Variants in NAA11 observed in about 807,000 individuals in gnomAD.
NAA11 encodes the protein N-alpha-acetyltransferase 11, NatA catalytic subunit.
Under a neutral mutation model 16.1 loss-of-function variants are expected in NAA11, and 15 were observed. The observed-to-expected ratio is 0.93, with a 90% CI of 0.62 to 1.44. The LOEUF (loss-of-function observed/expected upper bound fraction) is 1.44. NAA11 is among the 40% of genes most tolerant of loss of function. The pLI, the probability that NAA11 is intolerant of heterozygous loss-of-function variation, is 0.00. For missense variants in NAA11, 298 were observed against 291.3 expected (o/e 1.02, Z -0.17); for synonymous variants, 122 against 112.4 (o/e 1.09, Z -0.54).
chr4:79,212,821 A>T, the NAA11 span, among the ~76,000 whole-genome samples: 1 of 151,982 alleles, frequency 6.6e-6, no homozygotes, highest in Non-Finnish European at 1.5e-5. Flanking sequence ...CAGTATATAA[A>T]GGGTTCAGTA....
intron 2 of NAA11, among the ~76,000 whole-genome samples, chr4:79,261,785 A>G (rs560530207): frequency 1.2e-4 from 19 of 152,336 alleles, no homozygotes; most frequent in Admixed American, 1.2e-3. Flanking sequence ...CCTTTAAACA[A>G]TGGTTCTACA....
intron 1 of NAA11, among the ~76,000 whole-genome samples, chr4:79,298,049 G>C (rs1017806490): frequency 1.3e-5 from 2 of 152,222 alleles, no homozygotes; most frequent in Non-Finnish European, 2.9e-5. Context: ...CAGCTGCAGA[G>C]AGGAGCTACG....
intron 2 of NAA11, among the ~76,000 whole-genome samples, chr4:79,263,442 C>T (rs1228717396): frequency 6.6e-6 from 1 of 152,070 alleles, no homozygotes; most frequent in African/African-American, 2.4e-5. Context: ...GTATCTGGAA[C>T]AAAAAGAAAG....
chr4:79,196,240 G>T, the NAA11 span, among the ~76,000 whole-genome samples: 1 of 151,870 alleles, frequency 6.6e-6, no homozygotes, highest in African/African-American at 2.4e-5. Context: ...GAATATCAGT[G>T]TCCTTACTGC....
chr4:79,187,271 T>G, the NAA11 span, among the ~76,000 whole-genome samples: 1 of 152,194 alleles, frequency 6.6e-6, no homozygotes, highest in Non-Finnish European at 1.5e-5. Flanking sequence ...AATGAGGATG[T>G]ACCATGCCAG....
At chr4:79,267,992 G>A (rs925771595) in intron 2 of NAA11, among the ~76,000 whole-genome samples, 8 of 152,034 alleles carry the variant, frequency 5.3e-5, no homozygotes, top group Non-Finnish European at 7.4e-5. Flanking sequence ...ATAACTAGCT[G>A]TCTTCCTGCA....
chr4:79,312,035 CAA>C (rs954477693), downstream of NAA11, among the ~76,000 whole-genome samples: 2 of 152,160 alleles, frequency 1.3e-5, no homozygotes, highest in African/African-American at 4.8e-5. Context: ...TGCCACTTTA[CAA>C]AAGAGATGTA....
the NAA11 span, among the ~76,000 whole-genome samples, chr4:79,188,374 G>A: frequency 6.1e-4 from 92 of 151,584 alleles, 1 homozygote; most frequent in East Asian, 0.016. Flanking sequence ...TCACGAGGTC[G>A]GGAGATCGAG....
intron 2 of NAA11, among the ~76,000 whole-genome samples, chr4:79,274,385 G>A (rs527967666): frequency 6.6e-6 from 1 of 152,194 alleles, no homozygotes; most frequent in African/African-American, 2.4e-5. Flanking sequence ...AAAACTTACT[G>A]CTTTATCTGG....
the NAA11 span, among the ~76,000 whole-genome samples, chr4:79,186,216 A>G: frequency 1.3e-5 from 2 of 152,218 alleles, no homozygotes; most frequent in Non-Finnish European, 2.9e-5. Flanking sequence ...TTTCTTTTAA[A>G]AGGCTATGAA....
the NAA11 span, among the ~76,000 whole-genome samples, chr4:79,216,954 T>C: frequency 4.2e-4 from 64 of 152,348 alleles, no homozygotes; most frequent in Non-Finnish European, 7.5e-4. Context: ...TGAGTGCACC[T>C]TACCTCATGC....
At chr4:79,250,227 G>T (rs1721962040) in intron 2 of NAA11, among the ~76,000 whole-genome samples, 1 of 152,234 alleles carries the variant, frequency 6.6e-6, no homozygotes, top group Non-Finnish European at 1.5e-5. Flanking sequence ...AGGAGTTTTT[G>T]CAAACTCCGG....
chr4:79,244,165 C>T (rs1003207778), intron 2 of NAA11, among the ~76,000 whole-genome samples: 9 of 152,216 alleles, frequency 5.9e-5, no homozygotes, highest in African/African-American at 1.7e-4. Context: ...TGGCCTCTCC[C>T]TGGCTCTGGC....
At chr4:79,294,955 T>C (rs973502945) in intron 1 of NAA11, among the ~76,000 whole-genome samples, 3 of 152,136 alleles carry the variant, frequency 2.0e-5, no homozygotes, top group African/African-American at 7.2e-5. Flanking sequence ...GTGATATGGA[T>C]ATAGTAGGTG....
chr4:79,169,821 C>T, the NAA11 span, among the ~76,000 whole-genome samples: 2 of 152,194 alleles, frequency 1.3e-5, no homozygotes, highest in Non-Finnish European at 1.5e-5. Context: ...ATGATCCAAT[C>T]ACTTCCCACC....
chr4:79,263,160 G>C (rs142583897), intron 2 of NAA11, among the ~76,000 whole-genome samples: 2 of 152,114 alleles, frequency 1.3e-5, no homozygotes, highest in African/African-American at 4.8e-5. Context: ...ACAGTGACTA[G>C]TGCATAATAG....
At chr4:79,271,670 T>G (rs1484141) in intron 2 of NAA11, among the ~76,000 whole-genome samples, 2 of 151,800 alleles carry the variant, frequency 1.3e-5, no homozygotes, top group Non-Finnish European at 2.9e-5. Context: ...AATTTTGCTA[T>G]AAAATTAGAC....
chr4:79,234,426 A>G (rs1721528729), intron 2 of NAA11, among the ~76,000 whole-genome samples: 1 of 152,150 alleles, frequency 6.6e-6, no homozygotes, highest in Admixed American at 6.6e-5. Flanking sequence ...ATGAATGACT[A>G]TCAGGGCATA....
At chr4:79,156,967 A>G in the NAA11 span, among the ~76,000 whole-genome samples, 1 of 152,186 alleles carries the variant, frequency 6.6e-6, no homozygotes, top group Non-Finnish European at 1.5e-5. Flanking sequence ...ATTGAACAGG[A>G]CTCACGACAT....
Sources: gnomAD v4.1 joint callset for allele counts (sites outside exome capture counted in the v4.1 genomes callset) on GRCh38, gnomAD v4.1.1 for gene constraint, MANE v1.5 for transcripts, NCBI Gene and HGNC (gene_info 2026-07-23, HGNC 2026-07-21) for gene names.